SHISA9: variants seen among roughly 807,000 people sequenced by gnomAD.
SHISA9 encodes shisa family member 9, also known as protein shisa-9.
Under a neutral mutation model 38.0 loss-of-function variants are expected in SHISA9, and 13 were observed. The ratio of observed to expected loss-of-function variants is 0.34; its 90% CI spans 0.22 to 0.54. The LOEUF (loss-of-function observed/expected upper bound fraction) is 0.54. SHISA9 is among the 20% of genes least tolerant of loss of function. SHISA9 has a pLI of 0.91. For synonymous variants in SHISA9, 275 were observed against 242.0 expected, an observed-to-expected ratio of 1.14 and a Z score of -1.27; for missense variants, 538 against 575.8, an observed-to-expected ratio of 0.93 and a Z score of 0.67.
At chr16:13,133,956 A>G (rs78300849) in intron 2 of SHISA9, among the ~76,000 whole-genome samples, 3,155 of 152,300 alleles carry the variant, frequency 0.021, 112 homozygotes, top group African/African-American at 0.072. Context: ...TAGTGATTCT[A>G]TTAGTGTTTA....
chr16:12,953,641 C>T (rs938021590), intron 2 of SHISA9, among the ~76,000 whole-genome samples: 8 of 152,176 alleles, frequency 5.3e-5, no homozygotes, highest in Non-Finnish European at 5.9e-5. Flanking sequence ...CCTTGGGGCT[C>T]AGGCTTGCTG....
the SHISA9 span, among the ~76,000 whole-genome samples, chr16:13,420,680 T>C: frequency 2.0e-5 from 3 of 152,162 alleles, no homozygotes; most frequent in Admixed American, 1.3e-4. Flanking sequence ...GCCTGATTAA[T>C]GAAGCCAGAA....
chr16:13,469,109 G>C, the SHISA9 span, among the ~76,000 whole-genome samples: 2 of 151,410 alleles, frequency 1.3e-5, no homozygotes, highest in Non-Finnish European at 2.9e-5. Context: ...AGGCGTGATG[G>C]TGGGTGTCTG....
the SHISA9 span, among the ~76,000 whole-genome samples, chr16:13,402,719 C>T: frequency 9.5e-3 from 1,444 of 152,192 alleles, 32 homozygotes; most frequent in African/African-American, 0.033. Context: ...ACCATCACAC[C>T]CCGCTAGACG....
At chr16:12,988,649 C>T (rs1250385285) in intron 2 of SHISA9, among the ~76,000 whole-genome samples, 5 of 152,010 alleles carry the variant, frequency 3.3e-5, no homozygotes, top group East Asian at 1.9e-4. Flanking sequence ...CTCAGCCACC[C>T]GAGTAGCTGA....
intron 2 of SHISA9, among the ~76,000 whole-genome samples, chr16:12,974,906 A>ATATCTG (rs2072136227): frequency 1.3e-5 from 2 of 152,254 alleles, no homozygotes; most frequent in African/African-American, 4.8e-5. Context: ...TATCACATCC[A>ATATCTG]TATCTGTATC....
intron 2 of SHISA9, among the ~76,000 whole-genome samples, chr16:13,027,443 T>C (rs2072936542): frequency 6.6e-6 from 1 of 152,190 alleles, no homozygotes; most frequent in African/African-American, 2.4e-5. Context: ...TACTCCTCTG[T>C]ATCTATCCAA....
At chr16:13,269,065 A>G in the SHISA9 span, among the ~76,000 whole-genome samples, 2 of 152,230 alleles carry the variant, frequency 1.3e-5, no homozygotes. Flanking sequence ...ATATGAAGTA[A>G]CATGTGCAGA....
the SHISA9 span, among the ~76,000 whole-genome samples, chr16:13,359,700 G>T: frequency 1.3e-5 from 2 of 152,130 alleles, no homozygotes; most frequent in African/African-American, 2.4e-5. Flanking sequence ...ATTTTTGTAA[G>T]ATCTGAAGTT....
chr16:13,458,706 A>AT, the SHISA9 span: 1 of 240,022 alleles, frequency 4.2e-6, no homozygotes, highest in African/African-American at 2.4e-5. Flanking sequence ...TAAAAAAAAA[A>AT]TTTATAAAAC....
chr16:13,367,739 CA>C, the SHISA9 span, among the ~76,000 whole-genome samples: 9 of 148,060 alleles, frequency 6.1e-5, no homozygotes, highest in African/African-American at 2.1e-4. Flanking sequence ...CACACACACA[CA>C]CACACACACC....
At chr16:13,216,408 A>G (rs941857185) in intron 4 of SHISA9, among the ~76,000 whole-genome samples, 4 of 152,212 alleles carry the variant, frequency 2.6e-5, no homozygotes, top group Non-Finnish European at 5.9e-5. Flanking sequence ...TACCTGGCAT[A>G]TGGAAAGTAA....
intron 2 of SHISA9, among the ~76,000 whole-genome samples, chr16:12,946,216 C>T (rs1047774706): frequency 6.6e-6 from 1 of 152,116 alleles, no homozygotes; most frequent in African/African-American, 2.4e-5. Flanking sequence ...GTTTTGGTAC[C>T]AGTACCATGC....
chr16:13,375,069 T>C, the SHISA9 span, among the ~76,000 whole-genome samples: 1 of 152,228 alleles, frequency 6.6e-6, no homozygotes, highest in Non-Finnish European at 1.5e-5. Flanking sequence ...TTCTGGATAT[T>C]AGCCCTTTGT....
chr16:13,367,897 T>A, the SHISA9 span, among the ~76,000 whole-genome samples: 3 of 151,774 alleles, frequency 2.0e-5, no homozygotes, highest in African/African-American at 4.8e-5. Flanking sequence ...TTTTATTTTT[T>A]AATTTTATTT....
chr16:13,297,186 T>C, the SHISA9 span, among the ~76,000 whole-genome samples: 1 of 152,182 alleles, frequency 6.6e-6, no homozygotes, highest in African/African-American at 2.4e-5. Context: ...TATTCCCTTA[T>C]GGAATAGGCT....
chr16:12,936,343 G>T (rs2071532473), intron 2 of SHISA9, among the ~76,000 whole-genome samples: 1 of 152,180 alleles, frequency 6.6e-6, no homozygotes, highest in African/African-American at 2.4e-5. Flanking sequence ...TCCATGGCTG[G>T]AGTAGGAGCC....
chr16:13,019,956 TTTCCC>T (rs2072828331), intron 2 of SHISA9, among the ~76,000 whole-genome samples: 3 of 60,122 alleles, frequency 5.0e-5, no homozygotes, highest in Admixed American at 2.0e-4. Flanking sequence ...TCTTTCTTTC[TTTCCC>T]TCCTTCTTTC....
chr16:13,444,337 C>G, the SHISA9 span, among the ~76,000 whole-genome samples: 1 of 144,242 alleles, frequency 6.9e-6, no homozygotes, highest in Non-Finnish European at 1.5e-5. Context: ...CACCACTGAA[C>G]TCCAGTCTCA....
Sources: allele counts gnomAD v4.1 joint callset (sites outside exome capture counted in the v4.1 genomes callset), GRCh38; gene constraint gnomAD v4.1.1; transcripts MANE v1.5; gene names NCBI Gene and HGNC (gene_info 2026-07-23, HGNC 2026-07-21).